The following PRDM16 variants were observed in gnomAD, a reference collection of about 807,000 sequenced individuals.
PRDM16 encodes PR/SET domain 16, also known as histone-lysine N-methyltransferase PRDM16.
Under a neutral mutation model 110.6 loss-of-function variants are expected in PRDM16, and 23 were observed. That is an observed-to-expected ratio of 0.21 (90% CI 0.15 to 0.29). The LOEUF is 0.29. PRDM16 is among the 10% of genes least tolerant of loss of function. The pLI, the probability that PRDM16 is intolerant of heterozygous loss-of-function variation, is 1.00. For synonymous variants in PRDM16, 799 were observed against 781.8 expected (o/e 1.02, Z -0.37); for missense variants, 1,615 against 1,794.3 (o/e 0.90, Z 1.81).
chr1:3,336,677 CAT>C (rs36192537), intron 3 of PRDM16, among the ~76,000 whole-genome samples: 49,155 of 147,522 alleles, frequency 0.33, 8,517 homozygotes, highest in East Asian at 0.57. Flanking sequence ...CATTCACACA[CAT>C]ATGTGTTTTT....
Position 3,265,654 on chromosome 1 carries a change from G to T in PRDM16, c.438+21517G>T, listed in dbSNP as rs1640268104. Among the ~76,000 whole-genome samples the T allele has an allele frequency of 6.6e-6, 1 of 152,024 alleles. No individual in the cohort carries two copies. Among genetic ancestry groups the T allele is most frequent in the Non-Finnish European group, 1.5e-5 (1 of 67,998 alleles). On this transcript the variant is annotated intron_variant, in intron 3 of 16. Coordinates refer to ENST00000270722, the MANE Select transcript of PRDM16 (RefSeq NM_022114.4). This position sits in a 1 kb window ranked among gnomAD's most constrained non-coding sequence, Gnocchi z 4.5. ...GGGAGCTCCTAAAATTGCAGCCAAGGCCAGCCCTCTTGCCCCGGGGCTGCC... is the reference window on the plus strand; with the variant it reads ...GGGAGCTCCTAAAATTGCAGCCAAGTCCAGCCCTCTTGCCCCGGGGCTGCC...
rs1217186549 is a variant in PRDM16, at chr1:3,201,429, G to A, written c.387+14955G>A. 2.6e-5 allele frequency among the ~76,000 whole-genome samples: 4 copies of A among 152,160 alleles called. No homozygotes were observed. Among genetic ancestry groups the A allele is most frequent in the Non-Finnish European group, 4.4e-5 (3 of 68,026 alleles). On this transcript the variant is annotated intron_variant, in intron 2 of 16. Coordinates refer to ENST00000270722, the MANE Select transcript of PRDM16 (RefSeq NM_022114.4). The surrounding 1 kb of genome is among the most constrained non-coding windows in gnomAD (Gnocchi z 4.1). ...CCAGTAGCCCAAGCCACGGGAGCCA[G>A]CCTCACCCTGGCCCCACACCAGAGC...
chr1:3,312,917 T>C (rs1273439887), intron 3 of PRDM16, among the ~76,000 whole-genome samples: 1 of 152,176 alleles, frequency 6.6e-6, no homozygotes, highest in Non-Finnish European at 1.5e-5. Flanking sequence ...CGGATACGTG[T>C]GCACACACGG....
At chr1:3,227,850 T>C (rs1000447347) in intron 2 of PRDM16, among the ~76,000 whole-genome samples, 4 of 152,350 alleles carry the variant, frequency 2.6e-5, no homozygotes, top group Admixed American at 6.5e-5. Flanking sequence ...GGACAGGTGC[T>C]GGGCAGCCAG....
chr1:3,162,499 T>TC (rs951457523), intron 1 of PRDM16, among the ~76,000 whole-genome samples: 7 of 151,966 alleles, frequency 4.6e-5, no homozygotes, highest in African/African-American at 1.5e-4. Flanking sequence ...TCCTGCCCCT[T>TC]CCCCCCGGCT....
chr1:3,361,127 A>C (rs1351566891), intron 3 of PRDM16, among the ~76,000 whole-genome samples: 1 of 152,214 alleles, frequency 6.6e-6, no homozygotes, highest in Non-Finnish European at 1.5e-5. Flanking sequence ...TCCTCGCCTC[A>C]CATTTCGGCT....
At position 3,256,572 on chromosome 1, in the gene PRDM16, T is replaced by C. The variant is rs181724751; in HGVS notation, c.438+12435T>C. 4.6e-3 allele frequency among the ~76,000 whole-genome samples: 701 copies of C among 152,172 alleles called. 6 individuals carry two copies. The highest frequency in any genetic ancestry group is 7.8e-3 in the Non-Finnish European group (529 of 68,006). Reference sequence around the variant, plus strand: ...CCTGTCATTGCTCTAAAAAATAAAGTCTTCGGTCGGGCGTGGTGGCTCATG... The same window carrying C: ...CCTGTCATTGCTCTAAAAAATAAAGCCTTCGGTCGGGCGTGGTGGCTCATG... On this transcript the variant is annotated intron_variant, in intron 3 of 16. Transcript: ENST00000270722.
intron 3 of PRDM16, among the ~76,000 whole-genome samples, chr1:3,325,931 T>TC (rs1161970178): frequency 1.1e-4 from 12 of 114,150 alleles, no homozygotes; most frequent in Admixed American, 6.4e-4. Flanking sequence ...TCCTCGGCCC[T>TC]CTTGGCCCTC....
intron 2 of PRDM16, among the ~76,000 whole-genome samples, chr1:3,225,998 G>T (rs1030947395): frequency 6.6e-6 from 1 of 152,236 alleles, no homozygotes; most frequent in Non-Finnish European, 1.5e-5. Context: ...CCAGATCATT[G>T]TGGTGGCCAC....
chr1:3,396,585 G>T lies in PRDM16; in HGVS notation c.668G>T (p.Gly223Val), dbSNP rs1202885373. ...TACCCCCTGGGCACAGTGCCGCCCG[G>T]CCTGGACGGTAAGACCCCTCCCCCA... is the stretch of plus-strand genomic sequence containing the variant. ...GVYPLGTVPPGLDEEPTFRCD... is the reference protein window; with the variant it reads ...GVYPLGTVPPVLDEEPTFRCD... The change falls in exon 5 of 17, where the codon GGC becomes GTC. Residue 223 changes from glycine (G) to valine (V), a missense_variant. Gly to Val is a moderately radical substitution (Grantham distance 109, BLOSUM62 -3). Coordinates refer to ENST00000270722, the MANE Select transcript of PRDM16 (RefSeq NM_022114.4). The T allele has an allele frequency of 1.3e-6, 2 of 1,571,218 alleles. No individual in the cohort carries two copies. Among genetic ancestry groups the T allele is most frequent in the Non-Finnish European group, 1.7e-6 (2 of 1,153,402 alleles).
At chr1:3,099,677 T>G (rs1160901265) in intron 1 of PRDM16, among the ~76,000 whole-genome samples, 2 of 151,970 alleles carry the variant, frequency 1.3e-5, no homozygotes, top group African/African-American at 2.4e-5. Context: ...ATGAGCTCAT[T>G]AGGAACTTGG....
intron 1 of PRDM16, among the ~76,000 whole-genome samples, chr1:3,124,482 G>T (rs1281024288): frequency 6.6e-6 from 1 of 152,202 alleles, no homozygotes; most frequent in Non-Finnish European, 1.5e-5. Context: ...CAGGACAGAG[G>T]TGACAGCCCC....
chr1:3,130,077 A>G (rs1643302559), intron 1 of PRDM16, among the ~76,000 whole-genome samples: 1 of 151,744 alleles, frequency 6.6e-6, no homozygotes, highest in African/African-American at 2.4e-5. Flanking sequence ...CCCTGGGCAG[A>G]CTCCTGCTCC....
intron 1 of PRDM16, among the ~76,000 whole-genome samples, chr1:3,107,716 T>G (rs1642696598): frequency 1.3e-5 from 2 of 152,202 alleles, no homozygotes; most frequent in African/African-American, 2.4e-5. Context: ...AAACCACCTT[T>G]CCTTGTAAGA....
chr1:3,326,626 A>G (rs550556211), intron 3 of PRDM16, among the ~76,000 whole-genome samples: 1 of 152,228 alleles, frequency 6.6e-6, no homozygotes, highest in African/African-American at 2.4e-5. Context: ...GCCCATTTTC[A>G]TGAGTGCACC....
At chr1:3,316,051 C>T (rs968546685) in intron 3 of PRDM16, among the ~76,000 whole-genome samples, 1 of 151,278 alleles carries the variant, frequency 6.6e-6, no homozygotes, top group African/African-American at 2.4e-5. Context: ...GGCCTTTCTC[C>T]CGGAGTAAAT....
At chr1:3,181,664 A>ACACG (rs138034258) in intron 1 of PRDM16, among the ~76,000 whole-genome samples, 6 of 113,878 alleles carry the variant, frequency 5.3e-5, no homozygotes, top group Admixed American at 8.8e-5. Context: ...ACGGTCTTAC[A>ACACG]CAGTCTTACA....
At chr1:3,178,681 C>T (rs901922671) in intron 1 of PRDM16, among the ~76,000 whole-genome samples, 5 of 152,196 alleles carry the variant, frequency 3.3e-5, no homozygotes, top group African/African-American at 1.2e-4. Flanking sequence ...TCACTCAGCA[C>T]TTCCCCATCT....
intron 1 of PRDM16, among the ~76,000 whole-genome samples, chr1:3,164,728 G>A (rs1453579462): frequency 2.0e-5 from 3 of 152,154 alleles, no homozygotes; most frequent in Non-Finnish European, 2.9e-5. Context: ...ACGGTCCCGC[G>A]TGATCATGGG....
Sources: allele counts gnomAD v4.1 joint callset (sites outside exome capture counted in the v4.1 genomes callset), GRCh38; gene constraint gnomAD v4.1.1; non-coding constraint Gnocchi (gnomAD v3.1); transcripts MANE v1.5; gene names NCBI Gene and HGNC (gene_info 2026-07-23, HGNC 2026-07-21).